OR7C1: variants seen among roughly 807,000 people sequenced by gnomAD.
OR7C1 encodes olfactory receptor family 7 subfamily C member 1.
For missense variants in OR7C1, 324 were observed against 383.3 expected (o/e 0.85, Z 1.29); for synonymous variants, 152 against 160.7 (o/e 0.95, Z 0.41).
intron 1 of OR7C1, among the ~76,000 whole-genome samples, chr19:14,811,566 A>T (rs1240909011): frequency 1.3e-5 from 2 of 151,782 alleles, no homozygotes; most frequent in African/African-American, 4.9e-5. Context: ...AGGGGTGAGG[A>T]TGTGAGCTTA....
intron 2 of OR7C1, among the ~76,000 whole-genome samples, chr19:14,803,289 A>G (rs1417003213): frequency 7.1e-6 from 1 of 141,592 alleles, no homozygotes; most frequent in African/African-American, 2.7e-5. Context: ...CCTGGGTGAT[A>G]GAGGGAGACT....
intron 1 of OR7C1, among the ~76,000 whole-genome samples, chr19:14,831,602 G>A (rs2044833132): frequency 6.6e-6 from 1 of 151,974 alleles, no homozygotes; most frequent in South Asian, 2.1e-4. Context: ...CCGCCACTGT[G>A]CCCGGCTAAT....
At chr19:14,811,656 G>T (rs2044691525) in intron 1 of OR7C1, among the ~76,000 whole-genome samples, 1 of 151,614 alleles carries the variant, frequency 6.6e-6, no homozygotes, top group African/African-American at 2.4e-5. Flanking sequence ...CTGTGGGTAG[G>T]ATTTGGCCTG....
intron 1 of OR7C1, among the ~76,000 whole-genome samples, chr19:14,832,122 C>T (rs1599927435): frequency 6.6e-6 from 1 of 152,208 alleles, no homozygotes; most frequent in African/African-American, 2.4e-5. Context: ...GTTGCCCAGG[C>T]TGGTCTCAAA....
At chr19:14,827,445 C>A in intron 1 of OR7C1, 1 of 1,614,004 alleles carries the variant, frequency 6.2e-7, no homozygotes, top group Middle Eastern at 1.6e-4. Flanking sequence ...GTGTGAGTTG[C>A]GGGTGGCAGC....
Position 14,800,945 on chromosome 19 carries a change from C to A in OR7C1, c.-434-181G>T, listed in dbSNP as rs2044638529. On this transcript the variant is annotated intron_variant, in intron 2 of 4. Transcript: ENST00000641666. The stretch of plus-strand genomic sequence containing the variant: ...CCAGCCTGTCCTTTCCTCTCGGAGA[C>A]CCTTTTCTCTATGGAGAGAGGTGTT... Among the ~76,000 whole-genome samples, 3 of 152,318 alleles carry A rather than the reference C, an allele frequency of 2.0e-5. No individual in the cohort carries two copies. The South Asian group carries it at 6.2e-4, about 32-fold the overall frequency.
chr19:14,799,896 T>C (rs1365488165), exon 5 of OR7C1: 3 of 1,613,938 alleles, frequency 1.9e-6, no homozygotes, highest in Non-Finnish European at 1.7e-6. Context: ...TTCAGTAACA[T>C]CTTTGGGACA....
chr19:14,799,967 G>T (rs1233618195), exon 5 of OR7C1: 7 of 1,614,122 alleles, frequency 4.3e-6, no homozygotes, highest in African/African-American at 2.7e-5. Flanking sequence ...GTACATGGGG[G>T]TGTGGAGGTG....
intron 2 of OR7C1, among the ~76,000 whole-genome samples, chr19:14,802,947 G>T (rs2044648742): frequency 6.6e-6 from 1 of 152,130 alleles, no homozygotes; most frequent in Non-Finnish European, 1.5e-5. Flanking sequence ...CTTCCTGCTG[G>T]CAGCAAAGTA....
rs2044630034 is a variant in OR7C1, at chr19:14,799,681, A to G, written c.456T>C (p.Ser152=). 6 of 1,614,128 alleles carry G rather than the reference A, an allele frequency of 3.7e-6. No individual in the cohort carries two copies. The East Asian group carries it at 1.3e-4, about 36-fold the overall frequency. The stretch of plus-strand genomic sequence containing the variant: ...AGGTCTCGAGCAGGGAACCCATGAC[A>G]CTGATGCACCAGGACCCCAGAACCA... The change falls in exon 5 of 5, where the codon AGT becomes AGC. Residue 152 remains serine, a synonymous_variant. Coordinates refer to ENST00000641666, the Ensembl canonical transcript of OR7C1.
chr19:14,806,912 G>C (rs1419849604), intron 2 of OR7C1, among the ~76,000 whole-genome samples: 1 of 151,948 alleles, frequency 6.6e-6, no homozygotes, highest in Non-Finnish European at 1.5e-5. Context: ...TAATGGGATT[G>C]CTGGGCCAAA....
At chr19:14,805,680 G>T (rs1197546763) in intron 2 of OR7C1, among the ~76,000 whole-genome samples, 2 of 151,860 alleles carry the variant, frequency 1.3e-5, no homozygotes, top group Non-Finnish European at 2.9e-5. Flanking sequence ...CTCCCAAAGT[G>T]CTGGGATTAT....
intron 2 of OR7C1, among the ~76,000 whole-genome samples, chr19:14,806,689 C>T (rs2044667882): frequency 6.6e-6 from 1 of 152,048 alleles, no homozygotes; most frequent in South Asian, 2.1e-4. Flanking sequence ...CCAGCTTCAT[C>T]CATGTCCCTG....
At chr19:14,799,425 A>G (rs1169221750) in exon 5 of OR7C1, 2 of 1,614,082 alleles carry the variant, frequency 1.2e-6, no homozygotes, top group Admixed American at 3.3e-5. Flanking sequence ...CAGGTGGAAA[A>G]CGCTTTGTGC....
At chr19:14,799,149 C>T in exon 5 of OR7C1, 2 of 1,563,350 alleles carry the variant, frequency 1.3e-6, no homozygotes, top group Non-Finnish European at 1.7e-6. Flanking sequence ...CCAAAAGTGC[C>T]TCCCAATGGT....
intron 1 of OR7C1, among the ~76,000 whole-genome samples, chr19:14,815,026 A>C (rs2044709874): frequency 6.6e-6 from 1 of 152,208 alleles, no homozygotes. Flanking sequence ...TCTACCTGCC[A>C]AATGGTTTTT....
intron 1 of OR7C1, among the ~76,000 whole-genome samples, chr19:14,813,448 G>C (rs1456994590): frequency 6.6e-6 from 1 of 151,956 alleles, no homozygotes. Flanking sequence ...CCAGCTACTC[G>C]GGAGGCTGAG....
exon 5 of OR7C1, chr19:14,799,074 G>T (rs898975270): frequency 4.2e-6 from 6 of 1,420,398 alleles, no homozygotes; most frequent in Non-Finnish European, 5.6e-6. Context: ...TCAAAGACAC[G>T]ATAAGATATG....
At chr19:14,821,957 A>G (rs1368095548) in intron 1 of OR7C1, among the ~76,000 whole-genome samples, 1 of 152,204 alleles carries the variant, frequency 6.6e-6, no homozygotes, top group African/African-American at 2.4e-5. Context: ...AGTGTGCAGA[A>G]TTTGTTTCAC....
Sources: allele counts gnomAD v4.1 joint callset (sites outside exome capture counted in the v4.1 genomes callset), GRCh38; gene constraint gnomAD v4.1.1; transcripts MANE v1.5; gene names NCBI Gene and HGNC (gene_info 2026-07-23, HGNC 2026-07-21).